Variants in RBFOX1 observed in about 807,000 individuals in gnomAD.
RBFOX1 encodes the protein RNA binding fox-1 homolog 1.
RBFOX1 carries 8 observed loss-of-function variants against 57.7 expected under a neutral mutation model. The ratio of observed to expected loss-of-function variants is 0.14; its 90% CI spans 0.08 to 0.25. RBFOX1 has a LOEUF of 0.25. RBFOX1 is among the 10% of genes least tolerant of loss of function. The pLI is 1.00. For synonymous variants in RBFOX1, 326 were observed against 222.4 expected (o/e 1.47, Z -4.15); for missense variants, 611 against 548.5 (o/e 1.11, Z -1.14).
intron 1 of RBFOX1, among the ~76,000 whole-genome samples, chr16:6,162,788 T>C (rs7205583): frequency 0.19 from 29,348 of 152,030 alleles, 5,699 homozygotes; most frequent in African/African-American, 0.5. Flanking sequence ...GGCTAAACTG[T>C]AGTGACATGA....
At chr16:7,282,577 T>C (rs1158539904) in intron 4 of RBFOX1, among the ~76,000 whole-genome samples, 4 of 152,128 alleles carry the variant, frequency 2.6e-5, no homozygotes, top group East Asian at 1.9e-4. Flanking sequence ...TTTCCTGTTA[T>C]CGTTCTTTTA....
chr16:6,277,458 C>A (rs1405478244), intron 1 of RBFOX1, among the ~76,000 whole-genome samples: 19 of 80,806 alleles, frequency 2.4e-4, no homozygotes, highest in African/African-American at 5.8e-4. Context: ...GTCTGTCTCC[C>A]AAAAAAAAAA....
intron 3 of RBFOX1, among the ~76,000 whole-genome samples, chr16:5,682,736 G>A (rs1170634461): frequency 6.6e-6 from 1 of 152,204 alleles, no homozygotes. Context: ...AAAGAGAGGT[G>A]TCTTCATCCT....
At chr16:6,561,654 C>G (rs2097180756) in intron 2 of RBFOX1, among the ~76,000 whole-genome samples, 1 of 152,216 alleles carries the variant, frequency 6.6e-6, no homozygotes, top group Middle Eastern at 3.4e-3. Context: ...CTTTTCCTTT[C>G]TTTTATTTTA....
At chr16:7,232,173 A>G (rs1282655452) in intron 4 of RBFOX1, among the ~76,000 whole-genome samples, 1 of 152,050 alleles carries the variant, frequency 6.6e-6, no homozygotes, top group Non-Finnish European at 1.5e-5. Context: ...ACAGGTACAT[A>G]CCACCAGGCC....
intron 6 of RBFOX1, among the ~76,000 whole-genome samples, chr16:7,583,513 G>T (rs940517344): frequency 6.6e-6 from 1 of 152,188 alleles, no homozygotes. Flanking sequence ...AACATTCTGG[G>T]TTTGAAGTGA....
intron 2 of RBFOX1, among the ~76,000 whole-genome samples, chr16:6,367,545 C>A (rs1035209499): frequency 6.6e-6 from 1 of 152,142 alleles, no homozygotes; most frequent in African/African-American, 2.4e-5. Flanking sequence ...GCTGGGATTA[C>A]AGGCGTGAGC....
At chr16:6,343,216 A>G (rs1412929182) in intron 2 of RBFOX1, among the ~76,000 whole-genome samples, 1 of 151,992 alleles carries the variant, frequency 6.6e-6, no homozygotes, top group Non-Finnish European at 1.5e-5. Flanking sequence ...TCTTATTCTC[A>G]TTTTCTGACA....
At chr16:5,511,857 T>C (rs2043605044) in intron 2 of RBFOX1, among the ~76,000 whole-genome samples, 1 of 152,180 alleles carries the variant, frequency 6.6e-6, no homozygotes, top group South Asian at 2.1e-4. Flanking sequence ...GAGTTGTCAC[T>C]CCCCAGCAGA....
In RBFOX1 at chr16:5,970,746, G is replaced by T. The variant is rs140940498; in HGVS notation, c.351+103411G>T. On this transcript the variant is annotated intron_variant, in intron 4 of 19. Coordinates refer to the RBFOX1 transcript ENST00000641259. ...GGACCCTGCGAAATTGACTGAAATG[G>T]CACTGACATCAAAATCATGAAGTCT... Among the ~76,000 whole-genome samples, 11 of 152,190 alleles carry T rather than the reference G, an allele frequency of 7.2e-5. 1 individual carries two copies. In the South Asian group the frequency reaches 1.7e-3, roughly 23 times the overall value.
chr16:6,158,398 C>T (rs557953028), intron 1 of RBFOX1, among the ~76,000 whole-genome samples: 1 of 152,328 alleles, frequency 6.6e-6, no homozygotes, highest in East Asian at 1.9e-4. Context: ...GAAATAATGG[C>T]AGCCCGTTCC....
intron 1 of RBFOX1, among the ~76,000 whole-genome samples, chr16:6,176,611 G>A (rs187307392): frequency 1.3e-5 from 2 of 152,048 alleles, no homozygotes; most frequent in Non-Finnish European, 2.9e-5. Flanking sequence ...CACATGGTAA[G>A]GGTGCAGTAA....
rs181541764 is a variant in RBFOX1, at chr16:6,220,290, C to G, written c.-126-96705C>G. Among the ~76,000 whole-genome samples, 1,026 of 152,128 alleles carry G rather than the reference C, an allele frequency of 6.7e-3. 4 individuals carry two copies. The highest frequency in any genetic ancestry group is 0.011 in the Non-Finnish European group (775 of 68,002). ...AACATACATTTACTTTCTTGAATTG[C>G]TAAATTGACTAATGCAGATACATGT... On this transcript the variant is annotated intron_variant, in intron 1 of 15. Coordinates refer to ENST00000550418, the MANE Select transcript of RBFOX1 (RefSeq NM_018723.4).
chr16:7,283,826 T>C (rs1203321680), intron 4 of RBFOX1, among the ~76,000 whole-genome samples: 3 of 152,226 alleles, frequency 2.0e-5, no homozygotes, highest in East Asian at 3.9e-4. Flanking sequence ...TGTACTCATT[T>C]TAGCACACAG....
chr16:6,666,999 A>T (rs766748612), intron 3 of RBFOX1, among the ~76,000 whole-genome samples: 3 of 152,134 alleles, frequency 2.0e-5, no homozygotes, highest in Admixed American at 1.3e-4. Flanking sequence ...GGGTCTCTGC[A>T]CCTGCCTTTT....
intron 4 of RBFOX1, among the ~76,000 whole-genome samples, chr16:7,492,825 A>C (rs1449834472): frequency 6.6e-6 from 1 of 151,830 alleles, no homozygotes; most frequent in Non-Finnish European, 1.5e-5. Context: ...TTCACCTTCC[A>C]CCGTGAGTAA....
chr16:5,657,510 G>A (rs2049467212), intron 3 of RBFOX1, among the ~76,000 whole-genome samples: 1 of 152,124 alleles, frequency 6.6e-6, no homozygotes, highest in Non-Finnish European at 1.5e-5. Context: ...AAAGTATTGA[G>A]CAGCACAGTG....
intron 4 of RBFOX1, among the ~76,000 whole-genome samples, chr16:6,009,609 G>C (rs1223452976): frequency 6.6e-6 from 1 of 152,156 alleles, no homozygotes; most frequent in East Asian, 1.9e-4. Flanking sequence ...CTGAGAGCTT[G>C]AGAGCACAGC....
At chr16:7,139,268 G>C (rs1455249896) in intron 4 of RBFOX1, among the ~76,000 whole-genome samples, 3 of 149,098 alleles carry the variant, frequency 2.0e-5, no homozygotes, top group South Asian at 2.1e-4. Context: ...TTTCATTATA[G>C]CTACTCTGTC....
Sources: gnomAD v4.1 joint callset for allele counts (sites outside exome capture counted in the v4.1 genomes callset) on GRCh38, gnomAD v4.1.1 for gene constraint, MANE v1.5 for transcripts, NCBI Gene and HGNC (gene_info 2026-07-23, HGNC 2026-07-21) for gene names.